Variants in PDE7B observed in about 807,000 individuals in gnomAD.
PDE7B encodes the protein 3',5'-cyclic-AMP phosphodiesterase 7B.
A neutral mutation model predicts 56.2 loss-of-function variants in PDE7B; 29 were observed. The ratio of observed to expected loss-of-function variants is 0.52; its 90% CI spans 0.38 to 0.70. The LOEUF is 0.70. PDE7B is among the 30% of genes least tolerant of loss of function. The pLI is 0.00. For synonymous variants in PDE7B, 197 were observed against 196.9 expected (o/e 1.00, Z 0.00); for missense variants, 490 against 565.0 (o/e 0.87, Z 1.35).
At chr6:135,992,136 G>C (rs1200200659) in intron 2 of PDE7B, 1 of 153,566 alleles carries the variant, frequency 6.5e-6, no homozygotes, top group Non-Finnish European at 1.4e-5. Context: ...TGGCTTCCCT[G>C]GGCCGCTCTG....
intron 1 of PDE7B, among the ~76,000 whole-genome samples, chr6:135,919,639 A>G (rs1774027800): frequency 6.6e-6 from 1 of 152,342 alleles, no homozygotes; most frequent in Non-Finnish European, 1.5e-5. Flanking sequence ...TAGTGTTTCA[A>G]TATGAACTGC....
Position 136,193,880 on chromosome 6 carries a change from A to G in PDE7B, c.*2040A>G, listed in dbSNP as rs959381538. ...AGGAGAGATTATCAGATGGTGCTAA[A>G]GAAAGTGTGAAGATCTTATGAAATA... On this transcript the variant is annotated 3_prime_UTR_variant, in exon 13 of 13. Coordinates refer to ENST00000308191, the MANE Select transcript of PDE7B (RefSeq NM_018945.4). 2 of 152,224 alleles carry G rather than the reference A, an allele frequency of 1.3e-5. No individual in the cohort carries two copies. Among genetic ancestry groups the G allele is most frequent in the African/African-American group, 4.8e-5 (2 of 41,470 alleles). The allele number at this position is 152,224 out of a possible 1,614,324, so 9.4% of individuals were successfully genotyped here.
chr6:136,132,028 C>T (rs911481572), intron 3 of PDE7B, among the ~76,000 whole-genome samples: 8 of 152,120 alleles, frequency 5.3e-5, no homozygotes, highest in African/African-American at 1.7e-4. Flanking sequence ...TTTTACTATA[C>T]TTTTTATGTG....
chr6:135,940,437 T>G (rs1254647492), intron 1 of PDE7B, among the ~76,000 whole-genome samples: 1 of 152,242 alleles, frequency 6.6e-6, no homozygotes, highest in Non-Finnish European at 1.5e-5. Context: ...CATGATACAC[T>G]GTTAGCACAG....
At chr6:136,102,045 G>A (rs567619954) in intron 2 of PDE7B, among the ~76,000 whole-genome samples, 3 of 152,288 alleles carry the variant, frequency 2.0e-5, no homozygotes, top group South Asian at 2.1e-4. Context: ...TGCTGGCCAC[G>A]TGCAGGAGTG....
chr6:136,031,818 T>C (rs1562474592), intron 2 of PDE7B, among the ~76,000 whole-genome samples: 2 of 151,594 alleles, frequency 1.3e-5, no homozygotes, highest in Non-Finnish European at 2.9e-5. Flanking sequence ...ATATAAAAAA[T>C]CTTTCTATAT....
chr6:136,051,396 G>A (rs1429803471), intron 2 of PDE7B, among the ~76,000 whole-genome samples: 1 of 152,226 alleles, frequency 6.6e-6, no homozygotes, highest in Non-Finnish European at 1.5e-5. Context: ...GAGTTCTTGA[G>A]TGCCAGTCCA....
At chr6:135,970,503 C>T (rs1465655468) in intron 2 of PDE7B, among the ~76,000 whole-genome samples, 1 of 152,126 alleles carries the variant, frequency 6.6e-6, no homozygotes, top group African/African-American at 2.4e-5. Flanking sequence ...GGGCATATTG[C>T]TAAAATGCTG....
chr6:136,038,067 T>C, intron 2 of PDE7B: 1 of 1,337,834 alleles, frequency 7.5e-7, no homozygotes, highest in Non-Finnish European at 9.9e-7. Flanking sequence ...GCAGTGTTTG[T>C]GGAGGGCCTG....
At chr6:136,036,455 A>T (rs1776327458) in intron 2 of PDE7B, among the ~76,000 whole-genome samples, 1 of 152,228 alleles carries the variant, frequency 6.6e-6, no homozygotes, top group Non-Finnish European at 1.5e-5. Context: ...TAGGTTTGCC[A>T]GTATGCTTTT....
chr6:135,885,973 G>A (rs1775702056), intron 1 of PDE7B, among the ~76,000 whole-genome samples: 1 of 152,198 alleles, frequency 6.6e-6, no homozygotes, highest in Non-Finnish European at 1.5e-5. Context: ...CCTTACTGCT[G>A]TGGAGATTTC....
intron 2 of PDE7B, among the ~76,000 whole-genome samples, chr6:135,985,546 T>A (rs769987253): frequency 6.6e-6 from 1 of 152,316 alleles, no homozygotes; most frequent in Non-Finnish European, 1.5e-5. Context: ...GGACATAGAC[T>A]CCACTTTGAC....
At chr6:135,898,752 T>G (rs982983257) in intron 1 of PDE7B, among the ~76,000 whole-genome samples, 1 of 152,216 alleles carries the variant, frequency 6.6e-6, no homozygotes, top group African/African-American at 2.4e-5. Context: ...TTGCATGCAT[T>G]ATGAAGAACC....
chr6:136,060,560 A>G (rs916822337), intron 2 of PDE7B, among the ~76,000 whole-genome samples: 1 of 152,230 alleles, frequency 6.6e-6, no homozygotes, highest in East Asian at 1.9e-4. Context: ...TGAGACAGCA[A>G]TTTAGGATGT....
chr6:136,034,262 A>G (rs945988313), intron 2 of PDE7B: 1 of 152,204 alleles, frequency 6.6e-6, no homozygotes, highest in Non-Finnish European at 1.5e-5. Flanking sequence ...CCCATAGTCT[A>G]CAAGATTTTT....
chr6:136,148,512 C>T (rs1010864304), intron 4 of PDE7B, among the ~76,000 whole-genome samples: 1 of 93,038 alleles, frequency 1.1e-5, no homozygotes, highest in African/African-American at 4.3e-5. Context: ...TAATATATGC[C>T]GTTAGAAAAT....
At chr6:135,988,331 A>C (rs1775417689) in intron 2 of PDE7B, among the ~76,000 whole-genome samples, 1 of 152,210 alleles carries the variant, frequency 6.6e-6, no homozygotes, top group South Asian at 2.1e-4. Context: ...AGAACTTCCC[A>C]GTAAAGAAAG....
At chr6:136,046,024 T>C (rs1366871248) in intron 2 of PDE7B, among the ~76,000 whole-genome samples, 1 of 151,918 alleles carries the variant, frequency 6.6e-6, no homozygotes, top group East Asian at 1.9e-4. Context: ...TCTATAAACG[T>C]AAGTGACAAG....
intron 3 of PDE7B, among the ~76,000 whole-genome samples, chr6:136,113,887 C>A (rs1394000352): frequency 6.6e-6 from 1 of 152,156 alleles, no homozygotes; most frequent in African/African-American, 2.4e-5. Flanking sequence ...TAGATAATGA[C>A]TAGGTTGAGA....
Sources: allele counts gnomAD v4.1 joint callset (sites outside exome capture counted in the v4.1 genomes callset), GRCh38; gene constraint gnomAD v4.1.1; transcripts MANE v1.5; gene names NCBI Gene and HGNC (gene_info 2026-07-23, HGNC 2026-07-21).